Variants in SHROOM4 observed in about 807,000 individuals in gnomAD.
The protein encoded by SHROOM4 is protein Shroom4.
Under a neutral mutation model 80.3 loss-of-function variants are expected in SHROOM4, and 17 were observed. The ratio of observed to expected loss-of-function variants is 0.21; its 90% CI spans 0.14 to 0.32. The LOEUF is 0.32. SHROOM4 is among the 10% of genes least tolerant of loss of function. The pLI is 1.00. For missense variants in SHROOM4, 993 were observed against 1,140.3 expected, an observed-to-expected ratio of 0.87 and a Z score of 1.86; for synonymous variants, 400 against 437.5, an observed-to-expected ratio of 0.91 and a Z score of 1.07.
intron 5 of SHROOM4, among the ~76,000 whole-genome samples, chrX:50,610,924 C>CT (rs1929941845): frequency 9.0e-6 from 1 of 110,984 alleles, no homozygotes; most frequent in South Asian, 3.8e-4. Flanking sequence ...AAATATGAGA[C>CT]TGTTTCAGCT....
chrX:50,738,010 A>G (rs1383393918), intron 1 of SHROOM4, among the ~76,000 whole-genome samples: 1 of 111,778 alleles, frequency 8.9e-6, no homozygotes, highest in Admixed American at 9.5e-5. Flanking sequence ...CCTGGGATGC[A>G]AGGCTGGTTC....
chrX:50,756,479 GA>G (rs1935041517), intron 1 of SHROOM4, among the ~76,000 whole-genome samples: 1 of 112,284 alleles, frequency 8.9e-6, no homozygotes, highest in South Asian at 3.7e-4. Context: ...TTTTTGTGCA[GA>G]CATATGTTTT....
chrX:50,624,318 G>A (rs373205174), intron 5 of SHROOM4, among the ~76,000 whole-genome samples: 1 of 111,227 alleles, frequency 9.0e-6, no homozygotes, highest in Admixed American at 9.6e-5. Flanking sequence ...ACTGTTAAGG[G>A]CATTAACAGT....
chrX:50,657,793 G>A (rs1292804779), intron 2 of SHROOM4, among the ~76,000 whole-genome samples: 1 of 109,499 alleles, frequency 9.1e-6, no homozygotes, highest in South Asian at 3.9e-4. Flanking sequence ...AAAAAAAAAA[G>A]AAACACTTAA....
intron 1 of SHROOM4, among the ~76,000 whole-genome samples, chrX:50,708,615 C>A (rs782207362): frequency 5.3e-5 from 6 of 112,264 alleles, no homozygotes; most frequent in Admixed American, 9.4e-5. Flanking sequence ...AAAATAGTCT[C>A]TACTAAACAT....
chrX:50,655,404 A>G (rs782719569), intron 2 of SHROOM4, among the ~76,000 whole-genome samples: 2 of 109,258 alleles, frequency 1.8e-5, no homozygotes, highest in East Asian at 2.9e-4. Flanking sequence ...TCCTTAGCAT[A>G]ATGTCCTTCA....
intron 1 of SHROOM4, among the ~76,000 whole-genome samples, chrX:50,756,009 A>C (rs1489831711): frequency 1.8e-5 from 2 of 112,138 alleles, no homozygotes; most frequent in Admixed American, 1.9e-4. Context: ...TATAATTTAC[A>C]TATGATAAAA....
chrX:50,661,529 A>G (rs1932513166), intron 2 of SHROOM4, among the ~76,000 whole-genome samples: 1 of 112,128 alleles, frequency 8.9e-6, no homozygotes, highest in Non-Finnish European at 1.9e-5. Flanking sequence ...GCTTAGAAAG[A>G]CTTTTCTTAT....
At position 50,633,390 on chromosome X, in the gene SHROOM4, C is replaced by G; in HGVS notation, c.2683G>C (p.Ala895Pro). 3 of 1,211,764 alleles carry G rather than the reference C, an allele frequency of 2.5e-6. No homozygotes were observed. Among genetic ancestry groups the G allele is most frequent in the Non-Finnish European group, 3.4e-6 (3 of 895,286 alleles). The change falls in exon 4 of 9, where the codon GCT (alanine) becomes CCT (proline). Residue 895 changes from alanine to proline, a missense_variant. Ala to Pro is a conservative substitution (Grantham distance 27). Transcript: ENST00000376020. ...TCSYSCSVQGALVHDPCIYCS... is the reference protein window; with the variant it reads ...TCSYSCSVQGPLVHDPCIYCS... Reference sequence around the variant, plus strand: ...TAAATGCAAGGATCATGGACTAGAGCTCCTTGAACACTGCAGGAGTAAGAG... The same window carrying G: ...TAAATGCAAGGATCATGGACTAGAGGTCCTTGAACACTGCAGGAGTAAGAG...
chrX:50,783,148 A>T (rs1935664303), intron 1 of SHROOM4, among the ~76,000 whole-genome samples: 1 of 112,227 alleles, frequency 8.9e-6, no homozygotes, highest in African/African-American at 3.2e-5. Flanking sequence ...TTATTTGTAG[A>T]TGATATGATC....
rs1569546304 is a variant in SHROOM4 at position 50,596,454 on chromosome X, G to A, written c.*241C>T. ...ACTTGCCCTTGGCAACTGTGGGAAG[G>A]AGAGTGTGGTTCTAAGATCACACCT... On this transcript the variant is annotated 3_prime_UTR_variant, in exon 9 of 9. Transcript: ENST00000376020. 3.9e-6 allele frequency: 2 copies of A among 508,254 alleles called. No homozygotes were observed. Among genetic ancestry groups the A allele is most frequent in the African/African-American group, 2.3e-5 (1 of 43,895 alleles). The allele number at this position is 508,254 out of a possible 1,213,427, so 41.9% of individuals were successfully genotyped here.
intron 5 of SHROOM4, among the ~76,000 whole-genome samples, chrX:50,615,210 T>C (rs1033502970): frequency 1.9e-4 from 21 of 111,316 alleles, no homozygotes; most frequent in Non-Finnish European, 3.4e-4. Context: ...GATTTTGTTA[T>C]ACATTTTTCT....
At chrX:50,707,773 G>A (rs1406832342) in intron 1 of SHROOM4, among the ~76,000 whole-genome samples, 2 of 110,517 alleles carry the variant, frequency 1.8e-5, no homozygotes, top group Non-Finnish European at 3.8e-5. Context: ...AAGTGCTCCT[G>A]TAGCTCTGCT....
intron 2 of SHROOM4, among the ~76,000 whole-genome samples, chrX:50,664,928 G>GACACACAC (rs782486964): frequency 0.024 from 2,371 of 100,868 alleles, 65 homozygotes; most frequent in African/African-American, 0.082. Context: ...ACACCACACA[G>GACACACAC]ACACACACAC....
intron 1 of SHROOM4, among the ~76,000 whole-genome samples, chrX:50,749,969 G>C (rs1195055430): frequency 9.0e-6 from 1 of 111,672 alleles, no homozygotes; most frequent in East Asian, 2.8e-4. Context: ...CAAAGCCACA[G>C]TGAACTGGAA....
chrX:50,806,053 G>C (rs1936221705), intron 1 of SHROOM4, among the ~76,000 whole-genome samples: 1 of 110,399 alleles, frequency 9.1e-6, no homozygotes, highest in Non-Finnish European at 1.9e-5. Context: ...TTGGGTTTTG[G>C]ACAGAGGGCA....
chrX:50,606,273 G>A (rs1017704163), intron 6 of SHROOM4, among the ~76,000 whole-genome samples: 4 of 103,189 alleles, frequency 3.9e-5, no homozygotes, highest in African/African-American at 1.1e-4. Context: ...CTGGGAGCCA[G>A]GCCCTGTAAA....
At chrX:50,663,683 CT>C (rs1932592802) in intron 2 of SHROOM4, among the ~76,000 whole-genome samples, 1 of 110,966 alleles carries the variant, frequency 9.0e-6, no homozygotes, top group Non-Finnish European at 1.9e-5. Context: ...CTTTCCATCC[CT>C]TTTTTATGCA....
chrX:50,652,095 T>C (rs782489994), intron 2 of SHROOM4, among the ~76,000 whole-genome samples: 13 of 112,034 alleles, frequency 1.2e-4, no homozygotes, highest in Non-Finnish European at 1.9e-4. Flanking sequence ...TGGGTATATA[T>C]CCAGTAATGG....
Sources: allele counts gnomAD v4.1 joint callset (sites outside exome capture counted in the v4.1 genomes callset), GRCh38; gene constraint gnomAD v4.1.1; transcripts MANE v1.5; gene names NCBI Gene and HGNC (gene_info 2026-07-23, HGNC 2026-07-21).